The following CCBE1 variants were observed in gnomAD, a reference collection of about 807,000 sequenced individuals.
The protein encoded by CCBE1 is collagen and calcium-binding EGF domain-containing protein 1.
Under a neutral mutation model 50.0 loss-of-function variants are expected in CCBE1, and 37 were observed. The observed-to-expected ratio is 0.74, with a 90% CI of 0.57 to 0.97. CCBE1 has a LOEUF of 0.97. Ranked by LOEUF, CCBE1 falls within the 50% of genes least tolerant of loss-of-function variation. The pLI is 0.00. For missense variants in CCBE1, 538 were observed against 523.8 expected (o/e 1.03, Z -0.26); for synonymous variants, 234 against 203.7 (o/e 1.15, Z -1.27).
At position 59,490,673 on chromosome 18, in the gene CCBE1, G is replaced by C. The variant is rs138771926; in HGVS notation, c.213-10435C>G. ...ACATTTTAAACAAAGTCGTTGTTGT[G>C]ACCAGCTATGTTTTAACCAAACAGC... On this transcript the variant is annotated intron_variant, in intron 2 of 10. Transcript: ENST00000439986. Among the ~76,000 whole-genome samples, 614 of 152,292 alleles carry C rather than the reference G, an allele frequency of 4.0e-3. 2 individuals are homozygous for C. The highest frequency in any genetic ancestry group is 6.8e-3 in the Non-Finnish European group (464 of 68,012).
At chr18:59,678,073 G>A (rs2054531746) in intron 2 of CCBE1, among the ~76,000 whole-genome samples, 1 of 152,162 alleles carries the variant, frequency 6.6e-6, no homozygotes, top group South Asian at 2.1e-4. Flanking sequence ...AAGCGTGTGC[G>A]ATGGTTGTAA....
intron 2 of CCBE1, among the ~76,000 whole-genome samples, chr18:59,560,432 C>A (rs961552595): frequency 6.6e-6 from 1 of 152,126 alleles, no homozygotes; most frequent in African/African-American, 2.4e-5. Context: ...GGGAACATCA[C>A]ACACCGGGGC....
chr18:59,447,377 G>A (rs190901843), intron 7 of CCBE1, among the ~76,000 whole-genome samples: 1 of 152,272 alleles, frequency 6.6e-6, no homozygotes, highest in East Asian at 1.9e-4. Flanking sequence ...TGATAGAAAT[G>A]TTCTATATCT....
chr18:59,512,976 T>C (rs1408019349), intron 2 of CCBE1, among the ~76,000 whole-genome samples: 1 of 152,108 alleles, frequency 6.6e-6, no homozygotes, highest in African/African-American at 2.4e-5. Context: ...CTTTGGAGGA[T>C]GTGTGGTTTT....
chr18:59,669,267 A>G (rs1375423706), intron 2 of CCBE1, among the ~76,000 whole-genome samples: 1 of 152,214 alleles, frequency 6.6e-6, no homozygotes, highest in African/African-American at 2.4e-5. Context: ...GTTTATAAAC[A>G]TTAAAAGACT....
At chr18:59,545,857 A>G (rs188316665) in intron 2 of CCBE1, among the ~76,000 whole-genome samples, 1 of 152,312 alleles carries the variant, frequency 6.6e-6, no homozygotes, top group African/African-American at 2.4e-5. Flanking sequence ...ACCTCCTGCC[A>G]TGATTCTGAG....
chr18:59,621,851 A>C (rs561321498), intron 2 of CCBE1, among the ~76,000 whole-genome samples: 1 of 152,310 alleles, frequency 6.6e-6, no homozygotes, highest in Non-Finnish European at 1.5e-5. Context: ...GAACATCAGC[A>C]GCTTAACTCC....
At chr18:59,687,618 T>C (rs1177913588) in intron 2 of CCBE1, among the ~76,000 whole-genome samples, 3 of 152,326 alleles carry the variant, frequency 2.0e-5, no homozygotes, top group Non-Finnish European at 4.4e-5. Context: ...TTTAGGAGTC[T>C]CCATGAGCTT....
intron 2 of CCBE1, among the ~76,000 whole-genome samples, chr18:59,547,044 G>GGACAGAGGGGGAGAGAGGGA (rs1568199090): frequency 2.5e-5 from 2 of 79,660 alleles, no homozygotes; most frequent in African/African-American, 1.3e-4. Context: ...AAAGAGAGGG[G>GGACAGAGGGGGAGAGAGGGA]GAGAGAGGGG....
intron 2 of CCBE1, among the ~76,000 whole-genome samples, chr18:59,675,102 A>G (rs1038581254): frequency 2.6e-5 from 4 of 152,328 alleles, no homozygotes; most frequent in East Asian, 1.9e-4. Context: ...CAAAGTTAAG[A>G]TAAGTTGTAG....
At chr18:59,567,326 G>T (rs1159323859) in intron 2 of CCBE1, among the ~76,000 whole-genome samples, 1 of 152,070 alleles carries the variant, frequency 6.6e-6, no homozygotes, top group Non-Finnish European at 1.5e-5. Flanking sequence ...TAGAGATGGG[G>T]TTTCGCCATG....
intron 2 of CCBE1, among the ~76,000 whole-genome samples, chr18:59,584,481 C>A (rs1018627847): frequency 7.9e-5 from 12 of 151,510 alleles, no homozygotes; most frequent in African/African-American, 2.9e-4. Context: ...GCACATGCAC[C>A]CGAAAACTTA....
At chr18:59,562,065 G>A (rs530249518) in intron 2 of CCBE1, among the ~76,000 whole-genome samples, 1 of 152,280 alleles carries the variant, frequency 6.6e-6, no homozygotes, top group African/African-American at 2.4e-5. Flanking sequence ...CTAGGTTTAA[G>A]CCAAGGTCAT....
chr18:59,503,013 A>G (rs1259906362), intron 2 of CCBE1, among the ~76,000 whole-genome samples: 1 of 152,228 alleles, frequency 6.6e-6, no homozygotes, highest in South Asian at 2.1e-4. Context: ...ATTCAAAGAC[A>G]GGCTTCCTGG....
At chr18:59,689,960 C>A (rs1429576) in intron 2 of CCBE1, among the ~76,000 whole-genome samples, 4 of 151,948 alleles carry the variant, frequency 2.6e-5, no homozygotes, top group Non-Finnish European at 5.9e-5. Flanking sequence ...GCTGGGCTAC[C>A]GGCAATTAAG....
At chr18:59,614,252 G>A (rs111735183) in intron 2 of CCBE1, among the ~76,000 whole-genome samples, 7,902 of 152,026 alleles carry the variant, frequency 0.052, 565 homozygotes, top group African/African-American at 0.16. Context: ...CACCTGCCTC[G>A]GTCTCCCAAA....
intron 2 of CCBE1, among the ~76,000 whole-genome samples, chr18:59,497,138 CTAT>C (rs138025905): frequency 0.013 from 2,039 of 152,188 alleles, 53 homozygotes; most frequent in African/African-American, 0.046. Context: ...GTAATAGTAG[CTAT>C]TATTATCATC....
chr18:59,478,036 G>A (rs770158481), intron 3 of CCBE1, among the ~76,000 whole-genome samples: 31 of 152,198 alleles, frequency 2.0e-4, no homozygotes, highest in Middle Eastern at 3.4e-3. Context: ...TCCATAATGC[G>A]GGTGGGCCTC....
intron 2 of CCBE1, among the ~76,000 whole-genome samples, chr18:59,502,900 T>A (rs1014061338): frequency 6.6e-6 from 1 of 152,200 alleles, no homozygotes; most frequent in African/African-American, 2.4e-5. Context: ...TATCAAAGGA[T>A]GCATACGTTC....
Sources: allele counts gnomAD v4.1 joint callset (sites outside exome capture counted in the v4.1 genomes callset), GRCh38; gene constraint gnomAD v4.1.1; transcripts MANE v1.5; gene names NCBI Gene and HGNC (gene_info 2026-07-23, HGNC 2026-07-21).